ATP9A: variants seen among roughly 807,000 people sequenced by gnomAD.
ATP9A encodes ATPase phospholipid transporting 9A, also known as probable phospholipid-transporting ATPase IIA.
In ATP9A, 52 loss-of-function variants were observed where a neutral mutation model predicts 144.1. The observed-to-expected ratio is 0.36, with a 90% CI of 0.29 to 0.45. The LOEUF (loss-of-function observed/expected upper bound fraction) is 0.45. Ranked by LOEUF, ATP9A falls within the 20% of genes least tolerant of loss-of-function variation. ATP9A has a pLI of 1.00. For missense variants in ATP9A, 947 were observed against 1,392.7 expected (o/e 0.68, Z 5.09); for synonymous variants, 582 against 557.4 (o/e 1.04, Z -0.62).
chr20:51,674,117 T>C, intron 11 of ATP9A, 36 bp downstream of exon 11: 3 of 1,602,500 alleles, frequency 1.9e-6, no homozygotes, highest in Non-Finnish European at 2.6e-6. Flanking sequence ...GAAGAAGATG[T>C]CACGGCAGCC....
At chr20:51,693,394 G>C (rs1377919694) in intron 7 of ATP9A, among the ~76,000 whole-genome samples, 1 of 152,224 alleles carries the variant, frequency 6.6e-6, no homozygotes, top group African/African-American at 2.4e-5. Flanking sequence ...AGGCAGAGGA[G>C]AGAGGGCCAG....
chr20:51,743,747 G>A (rs1369369133), intron 1 of ATP9A, among the ~76,000 whole-genome samples: 8 of 127,408 alleles, frequency 6.3e-5, no homozygotes, highest in Non-Finnish European at 1.2e-4. Context: ...CGGTCGTCAC[G>A]CCTATAATCC....
Position 51,619,049 on chromosome 20 carries a change from AG to A in ATP9A, c.2116-7del. On this transcript the variant is annotated splice_polypyrimidine_tract_variant and splice_region_variant and intron_variant, in intron 19 of 27. Transcript: ENST00000338821. The stretch of plus-strand genomic sequence containing the variant: ...GCCTCCCCGCGGTTGGTCACCTGGA[AG>A]GGAACAGAGATGGGGAAGGAGGCAT... 1 of 1,611,882 alleles carries A rather than the reference AG, an allele frequency of 6.2e-7. No individual in the cohort carries two copies. Among genetic ancestry groups the A allele is most frequent in the African/African-American group, 1.3e-5 (1 of 74,998 alleles).
intron 15 of ATP9A, among the ~76,000 whole-genome samples, chr20:51,633,794 A>G (rs945884857): frequency 1.7e-4 from 26 of 151,390 alleles, no homozygotes; most frequent in Admixed American, 2.6e-4. Context: ...GGAGGCAAAA[A>G]AAAGAAAGAA....
At chr20:51,684,140 A>G (rs1405634901) in intron 9 of ATP9A, among the ~76,000 whole-genome samples, 3 of 152,094 alleles carry the variant, frequency 2.0e-5, no homozygotes, top group African/African-American at 7.2e-5. Context: ...AGCCCTGATC[A>G]TGTCTCTGCA....
chr20:51,604,412 G>A (rs544562256), intron 27 of ATP9A, among the ~76,000 whole-genome samples: 20 of 152,232 alleles, frequency 1.3e-4, no homozygotes, highest in South Asian at 1.0e-3. Flanking sequence ...AGGGCTGCAC[G>A]GGCAAGGTTC....
chr20:51,742,124 G>A (rs1162872943), intron 1 of ATP9A, among the ~76,000 whole-genome samples: 5 of 152,086 alleles, frequency 3.3e-5, no homozygotes, highest in Non-Finnish European at 7.4e-5. Flanking sequence ...AGGAGTTGGA[G>A]ACCAGCCCGA....
chr20:51,717,048 T>C (rs2077665019), intron 3 of ATP9A, among the ~76,000 whole-genome samples: 1 of 151,834 alleles, frequency 6.6e-6, no homozygotes, highest in Non-Finnish European at 1.5e-5. Context: ...GGTGGCCACC[T>C]GTAATCCCAG....
intron 2 of ATP9A, among the ~76,000 whole-genome samples, chr20:51,727,118 C>T (rs192789703): frequency 1.3e-5 from 2 of 150,208 alleles, no homozygotes; most frequent in Admixed American, 1.3e-4. Context: ...AAGGTGAAAC[C>T]CCGTCTCTAC....
At chr20:51,649,020 C>G (rs957911187) in intron 14 of ATP9A, among the ~76,000 whole-genome samples, 1 of 151,882 alleles carries the variant, frequency 6.6e-6, no homozygotes, top group African/African-American at 2.4e-5. Flanking sequence ...CAGAAAAAGG[C>G]TTATTTTCAC....
chr20:51,656,652 T>A (rs1401918250), intron 14 of ATP9A, among the ~76,000 whole-genome samples: 1 of 152,220 alleles, frequency 6.6e-6, no homozygotes, highest in African/African-American at 2.4e-5. Context: ...ACATCTTTTT[T>A]AAAGTATGTG....
At chr20:51,645,916 T>C (rs1210183281) in intron 14 of ATP9A, among the ~76,000 whole-genome samples, 1 of 152,266 alleles carries the variant, frequency 6.6e-6, no homozygotes, top group Non-Finnish European at 1.5e-5. Flanking sequence ...TGCATCTCAC[T>C]GCTGTTAACA....
chr20:51,643,710 TTGTTATAGCAGGCCA>T (rs1195846387), intron 14 of ATP9A, among the ~76,000 whole-genome samples: 3 of 152,188 alleles, frequency 2.0e-5, no homozygotes, highest in Non-Finnish European at 2.9e-5. Context: ...TGATGGTATT[TTGTTATAGCAGGCCA>T]TGTTATAGCA....
At chr20:51,668,168 A>C (rs2077441583) in intron 13 of ATP9A, among the ~76,000 whole-genome samples, 1 of 30,554 alleles carries the variant, frequency 3.3e-5, no homozygotes, top group Non-Finnish European at 9.0e-5. Context: ...AAGGGAAGAA[A>C]GGGAGAAGGA....
chr20:51,661,605 A>C (rs79155666), intron 13 of ATP9A, among the ~76,000 whole-genome samples: 2,443 of 148,302 alleles, frequency 0.016, 69 homozygotes, highest in African/African-American at 0.059. Flanking sequence ...TCCCAGGCTC[A>C]AGTCAACCTC....
chr20:51,608,920 GAC>G (rs1491288631), intron 24 of ATP9A, among the ~76,000 whole-genome samples: 2 of 40,946 alleles, frequency 4.9e-5, no homozygotes, highest in African/African-American at 9.7e-5. Flanking sequence ...GAGGAAATAA[GAC>G]GTGTGTGTGT....
At chr20:51,622,950 C>T (rs936636445) in intron 18 of ATP9A, among the ~76,000 whole-genome samples, 2 of 152,180 alleles carry the variant, frequency 1.3e-5, no homozygotes, top group Admixed American at 6.5e-5. Flanking sequence ...GTGTCCACTA[C>T]GTGCCCAGCA....
chr20:51,710,580 T>C (rs1291912546), intron 4 of ATP9A, among the ~76,000 whole-genome samples: 1 of 152,212 alleles, frequency 6.6e-6, no homozygotes, highest in Admixed American at 6.5e-5. Flanking sequence ...AAGCTGACAG[T>C]TTCTTCAGTG....
At chr20:51,751,709 T>A (rs6021418) in intron 1 of ATP9A, among the ~76,000 whole-genome samples, 133,140 of 150,424 alleles carry the variant, frequency 0.89, 59,106 homozygotes, top group African/African-American at 0.93. Flanking sequence ...TGCCTCAGCC[T>A]CCTGAGTAGC....
Sources: allele counts gnomAD v4.1 joint callset (sites outside exome capture counted in the v4.1 genomes callset), GRCh38; gene constraint gnomAD v4.1.1; transcripts MANE v1.5; gene names NCBI Gene and HGNC (gene_info 2026-07-23, HGNC 2026-07-21).